ABCA13: variants seen among roughly 807,000 people sequenced by gnomAD.
The protein encoded by ABCA13 is ATP binding cassette subfamily A member 13.
Under a neutral mutation model 478.7 loss-of-function variants are expected in ABCA13, and 476 were observed. The observed-to-expected ratio is 0.99, with a 90% CI of 0.92 to 1.07. The LOEUF is 1.07. ABCA13 is among the 50% of genes least tolerant of loss of function. ABCA13 has a pLI of 0.00. For missense variants in ABCA13, 6,060 were observed against 5,910.6 expected (o/e 1.03, Z -0.83); for synonymous variants, 2,252 against 2,158.9 (o/e 1.04, Z -1.20).
At chr7:48,396,435 C>T (rs1334082973) in intron 38 of ABCA13, among the ~76,000 whole-genome samples, 1 of 152,100 alleles carries the variant, frequency 6.6e-6, no homozygotes, top group East Asian at 1.9e-4. Context: ...GTGTCTTTTC[C>T]CTGGGATATG....
intron 3 of ABCA13, among the ~76,000 whole-genome samples, chr7:48,209,796 G>C (rs1214650519): frequency 6.6e-6 from 1 of 152,066 alleles, no homozygotes; most frequent in East Asian, 1.9e-4. Flanking sequence ...AGTAGTCTCT[G>C]ATGATCCTTT....
chr7:48,496,224 A>T (rs917307883), intron 48 of ABCA13, among the ~76,000 whole-genome samples: 43 of 151,998 alleles, frequency 2.8e-4, no homozygotes, highest in African/African-American at 1.0e-3. Context: ...TGATTTATTT[A>T]TAGTATTTTT....
At chr7:48,190,431 G>A (rs1430190918) in intron 1 of ABCA13, among the ~76,000 whole-genome samples, 2 of 152,114 alleles carry the variant, frequency 1.3e-5, no homozygotes, top group Non-Finnish European at 2.9e-5. Context: ...CTACACATAT[G>A]TCTGACTTTG....
At chr7:48,570,118 G>A (rs1475988635) in intron 55 of ABCA13, among the ~76,000 whole-genome samples, 1 of 151,902 alleles carries the variant, frequency 6.6e-6, no homozygotes, top group South Asian at 2.1e-4. Context: ...CATTTGCTTT[G>A]TGTGTTGTGT....
At chr7:48,203,597 G>GT (rs1584165390) in intron 3 of ABCA13, among the ~76,000 whole-genome samples, 1 of 150,826 alleles carries the variant, frequency 6.6e-6, no homozygotes, top group East Asian at 1.9e-4. Flanking sequence ...TGCCTTTGTT[G>GT]GGGGGTTTCC....
intron 15 of ABCA13, among the ~76,000 whole-genome samples, chr7:48,250,184 G>T (rs1366856079): frequency 2.6e-5 from 4 of 152,102 alleles, no homozygotes; most frequent in Non-Finnish European, 5.9e-5. Context: ...GGTATGTGGG[G>T]GCATGGAGCT....
In ABCA13 at chr7:48,516,833, G is replaced by T; in HGVS notation, c.13749G>T (p.Met4583Ile). The T allele has an allele frequency of 6.2e-7, 1 of 1,613,670 alleles. No homozygotes were observed. Among genetic ancestry groups the T allele is most frequent in the Non-Finnish European group, 8.5e-7 (1 of 1,179,702 alleles). Residue 4583 changes from methionine (M) to isoleucine (I), a missense_variant, in exon 52 of 62, where the codon ATG becomes ATT. By Grantham distance (10) the Met-to-Ile change is conservative. This residue lies in a region of ABCA13 where 1,627 missense variants were observed against 1,571.0 expected (regional missense o/e 1.04). Transcript: ENST00000435803. ...ACTTCATCTTTGGCCTTTGTACCAT[G>T]CTCATAACCATTATGCCCCGGTTGC... Reference protein sequence around the residue: ...SLNFIFGLCTMLITIMPRLLA... With the variant: ...SLNFIFGLCTILITIMPRLLA...
intron 55 of ABCA13, among the ~76,000 whole-genome samples, chr7:48,552,302 T>C (rs749209228): frequency 6.6e-6 from 1 of 151,900 alleles, no homozygotes; most frequent in Non-Finnish European, 1.5e-5. Flanking sequence ...AATATTCAGA[T>C]ACATGTTTTG....
rs1784705928 is a variant in ABCA13 at position 48,545,131 on chromosome 7, A to C, written c.14354+16786A>C. ...AAGCATATGTAAATTTCTGATTTGG[A>C]GGCATAGGTTTTAATGTCCCTGATG... On this transcript the variant is annotated intron_variant, in intron 55 of 61. Coordinates refer to ENST00000435803, the MANE Select transcript of ABCA13 (RefSeq NM_152701.5). Among the ~76,000 whole-genome samples, 2 of 151,784 alleles carry C rather than the reference A, an allele frequency of 1.3e-5. 1 individual carries two copies. The highest frequency in any genetic ancestry group is 1.3e-4 in the Admixed American group (2 of 15,176).
rs530381163 is a variant in ABCA13 at position 48,271,989 on chromosome 7, A to G, written c.2323A>G (p.Thr775Ala). The G allele has an allele frequency of 6.2e-7, 1 of 1,613,658 alleles. No homozygotes were observed. Among genetic ancestry groups the G allele is most frequent in the South Asian group, 1.1e-5 (1 of 91,062 alleles). The change falls in exon 17 of 62, where the codon ACA becomes GCA. Residue 775 changes from threonine to alanine, a missense_variant. Physicochemically the swap from Thr to Ala is moderately conservative, Grantham distance 58. Coordinates refer to ENST00000435803, the MANE Select transcript of ABCA13 (RefSeq NM_152701.5). ...EDILNISSLW[T>A]NHLKSLKRDP... is the part of the protein sequence containing the mutation. ...TATTCTGAATATAAGTTCTCTGTGG[A>G]CAAATCATTTAAAAAGTTTAAAGAG...
chr7:48,288,128 C>T (rs765274743), intron 20 of ABCA13, 50 bp downstream of exon 20: 1 of 1,490,054 alleles, frequency 6.7e-7, no homozygotes, highest in Non-Finnish European at 9.4e-7. Flanking sequence ...GACTATTGGC[C>T]CTTGCAAGGC....
In ABCA13 at chr7:48,520,134, C is replaced by G. The variant is rs1832439298; in HGVS notation, c.13891C>G (p.Gln4631Glu). Residue 4631 changes from glutamine to glutamate, a missense_variant, in exon 53 of 62, where the codon CAG (glutamine) becomes GAG (glutamate). By Grantham distance (29) the Gln-to-Glu change is conservative. This residue lies in a region of ABCA13 where 1,627 missense variants were observed against 1,571.0 expected (regional missense o/e 1.04). Coordinates refer to ENST00000435803, the MANE Select transcript of ABCA13 (RefSeq NM_152701.5). The part of the protein sequence containing the change: ...GQGLVELCYN[Q>E]IKYDLTHNFG... ...AGGACTGGTAGAACTCTGCTATAATCAGATCAAATATGACCTGACCCACAA... is the reference window on the plus strand; with the variant it reads ...AGGACTGGTAGAACTCTGCTATAATGAGATCAAATATGACCTGACCCACAA... 1 of 1,613,606 alleles carries G rather than the reference C, an allele frequency of 6.2e-7. No individual in the cohort carries two copies. The highest frequency in any genetic ancestry group is 1.3e-5 in the African/African-American group (1 of 74,890).
At chr7:48,583,549 G>A (rs1788899728) in intron 56 of ABCA13, among the ~76,000 whole-genome samples, 2 of 152,154 alleles carry the variant, frequency 1.3e-5, no homozygotes, top group African/African-American at 4.8e-5. Flanking sequence ...AATAAACACT[G>A]GGGATTTCCA....
intron 55 of ABCA13, among the ~76,000 whole-genome samples, chr7:48,566,763 C>T (rs1447162788): frequency 1.3e-5 from 2 of 151,982 alleles, no homozygotes; most frequent in Admixed American, 6.6e-5. Flanking sequence ...CTTATTTGCC[C>T]CCAAAATTCA....
In ABCA13 at chr7:48,483,089, T is replaced by G; in HGVS notation, c.13108T>G (p.Ser4370Ala). 5.6e-6 allele frequency: 9 copies of G among 1,611,980 alleles called. No homozygotes were observed. Among genetic ancestry groups the G allele is most frequent in the Non-Finnish European group, 6.8e-6 (8 of 1,179,066 alleles). ...PSEKPRLGGWSFGLKIPSEAG... is the reference protein window; with the variant it reads ...PSEKPRLGGWAFGLKIPSEAG... ...CATTGTTAACAGGCTTGGAGGTTGG[T>G]CTTTTGGATTAAAAATCCCCAGTGA... The change falls in exon 47 of 62, where the codon TCT becomes GCT. Residue 4370 changes from serine to alanine, a missense_variant. Around this residue, in one of 3 missense-constraint regions of ABCA13, gnomAD observed 1,627 missense variants for 1,571.0 expected, o/e 1.04. Coordinates refer to ENST00000435803, the MANE Select transcript of ABCA13 (RefSeq NM_152701.5).
chr7:48,523,717 A>G (rs183759459), intron 53 of ABCA13, among the ~76,000 whole-genome samples: 2 of 152,274 alleles, frequency 1.3e-5, no homozygotes, highest in Admixed American at 1.3e-4. Context: ...AGAGAAAATA[A>G]GAGTTGAAAA....
At chr7:48,233,965 CA>C (rs746027515) in intron 7 of ABCA13, 52 bp from the exon 8 acceptor site, 18 of 1,597,998 alleles carry the variant, frequency 1.1e-5, no homozygotes, top group Non-Finnish European at 1.5e-5. Flanking sequence ...TTACATTAAA[CA>C]TATCAAAATA....
In ABCA13 at chr7:48,356,981, C is replaced by T. The variant is rs147512164; in HGVS notation, c.10688+4494C>T. Among the ~76,000 whole-genome samples, 58 of 152,058 alleles carry T rather than the reference C, an allele frequency of 3.8e-4. 1 individual carries two copies. The highest frequency in any genetic ancestry group is 1.4e-3 in the African/African-American group (56 of 41,338). ...TTTGAAAGGTCACCTGTTATTTCCT[C>T]TATTGCTTTTTGGCTGCTTCAATTC... On this transcript the variant is annotated intron_variant, in intron 31 of 61. Coordinates refer to ENST00000435803, the MANE Select transcript of ABCA13 (RefSeq NM_152701.5).
chr7:48,327,191 T>C (rs1804466435), intron 27 of ABCA13, among the ~76,000 whole-genome samples: 1 of 152,192 alleles, frequency 6.6e-6, no homozygotes, highest in Non-Finnish European at 1.5e-5. Context: ...CAGTTTCACA[T>C]GGCTGGGGAG....
Sources: gnomAD v4.1 joint callset for allele counts (sites outside exome capture counted in the v4.1 genomes callset) on GRCh38, gnomAD v4.1.1 for gene constraint, gnomAD v4.1.1 regional missense constraint, MANE v1.5 for transcripts, NCBI Gene and HGNC (gene_info 2026-07-23, HGNC 2026-07-21) for gene names.